Variants in ALDH7A1 observed in about 807,000 individuals in gnomAD.
ALDH7A1 encodes aldehyde dehydrogenase 7 family member A1.
A neutral mutation model predicts 79.9 loss-of-function variants in ALDH7A1; 63 were observed. The observed-to-expected ratio is 0.79, with a 90% confidence interval of 0.64 to 0.97. The LOEUF (loss-of-function observed/expected upper bound fraction) is 0.97. ALDH7A1 is among the 50% of genes least tolerant of loss of function. ALDH7A1 has a pLI of 0.00. For missense variants in ALDH7A1, 627 were observed against 665.2 expected, an observed-to-expected ratio of 0.94 and a Z score of 0.63; for synonymous variants, 240 against 231.2, an observed-to-expected ratio of 1.04 and a Z score of -0.34.
At chr5:126,583,090 C>A (rs541482106) in intron 4 of ALDH7A1, 116 bp from the exon 5 acceptor site, 1 of 1,301,004 alleles carries the variant, frequency 7.7e-7, no homozygotes, top group Non-Finnish European at 1.1e-6. Flanking sequence ...TGAAGAAAGT[C>A]TGTTTCATTT....
intron 14 of ALDH7A1, among the ~76,000 whole-genome samples, chr5:126,550,783 A>G (rs1749969536): frequency 6.6e-6 from 1 of 152,278 alleles, no homozygotes; most frequent in South Asian, 2.1e-4. Flanking sequence ...ACGTGAAACA[A>G]TGATAGGCAA....
At chr5:126,556,731 A>T (rs1750209223) in intron 11 of ALDH7A1, among the ~76,000 whole-genome samples, 2 of 152,194 alleles carry the variant, frequency 1.3e-5, no homozygotes, top group South Asian at 4.1e-4. Context: ...AGGTCTCCAG[A>T]GGAGGCCTTA....
chr5:126,574,620 G>T (rs1013864652), intron 7 of ALDH7A1, among the ~76,000 whole-genome samples: 1 of 151,598 alleles, frequency 6.6e-6, no homozygotes, highest in South Asian at 2.1e-4. Context: ...GCGTGAACCC[G>T]GGAGGTGGAG....
intron 13 of ALDH7A1, 49 bp from the exon 14 acceptor site, chr5:126,552,186 G>T: frequency 6.9e-7 from 1 of 1,459,364 alleles, no homozygotes. Context: ...TTGTTTTCTA[G>T]GACTTGGGGT....
At position 126,567,164 on chromosome 5, in the gene ALDH7A1, T is replaced by C. The variant is rs535721131; in HGVS notation, c.871+1095A>G. On this transcript the variant is annotated intron_variant, in intron 9 of 17. Coordinates refer to ENST00000409134, the MANE Select transcript of ALDH7A1 (RefSeq NM_001182.5). Reference sequence around the variant, plus strand: ...TGTTCTCCTCTACTTTTGCCTCTTTTAAAAAGTTCTAAGTTGCTAGCCAAT... The same window carrying C: ...TGTTCTCCTCTACTTTTGCCTCTTTCAAAAAGTTCTAAGTTGCTAGCCAAT... Among the ~76,000 whole-genome samples the C allele has an allele frequency of 1.6e-3, 249 of 152,314 alleles. 2 individuals carry two copies. The highest frequency in any genetic ancestry group is 5.6e-3 in the African/African-American group (235 of 41,594).
At chr5:126,558,952 G>A (rs373843948) in intron 11 of ALDH7A1, among the ~76,000 whole-genome samples, 11 of 152,124 alleles carry the variant, frequency 7.2e-5, no homozygotes, top group East Asian at 1.9e-4. Flanking sequence ...ACTGGACTTC[G>A]TCCATATTGT....
chr5:126,584,231 C>T lies in ALDH7A1; in HGVS notation c.313-219G>A, dbSNP rs1226340062. 18 of 529,650 alleles carry T rather than the reference C, an allele frequency of 3.4e-5. 1 individual carries two copies. The highest frequency in any genetic ancestry group is 1.1e-4 in the South Asian group (4 of 37,822). 32.8% of individuals were successfully genotyped at this position (529,650 alleles called of 1,614,324 possible). On this transcript the variant is annotated intron_variant, in intron 3 of 17. Transcript: ENST00000409134. ...GGAAGGCACAGAGGAGAAGAAAAGG[C>T]AACAAATAATTACAAATTGCCAACA...
At chr5:126,593,308 AACACACACACAC>A (rs142510783) in intron 2 of ALDH7A1, 31 bp downstream of exon 2, 1,256 of 1,546,678 alleles carry the variant, frequency 8.1e-4, no homozygotes, top group South Asian at 1.4e-3. Flanking sequence ...ATTTGAATTA[AACACACACACAC>A]ACACACACAC....
intron 5 of ALDH7A1, among the ~76,000 whole-genome samples, chr5:126,580,358 A>G (rs992866683): frequency 2.7e-4 from 41 of 152,048 alleles, no homozygotes; most frequent in Admixed American, 1.3e-4. Flanking sequence ...CTGCCTCCCA[A>G]AGTGCTGGGA....
At chr5:126,549,894 C>G (rs1350033009) in intron 16 of ALDH7A1, 35 bp downstream of exon 16, 9 of 1,605,162 alleles carry the variant, frequency 5.6e-6, no homozygotes, top group Non-Finnish European at 7.7e-6. Flanking sequence ...TCTTTGCTGC[C>G]CAACATGGAA....
chr5:126,593,232 A>G, intron 2 of ALDH7A1, 119 bp downstream of exon 2: 2 of 1,455,628 alleles, frequency 1.4e-6, no homozygotes, highest in South Asian at 1.2e-5. Context: ...GTGATTTTAT[A>G]TTATTCTTGA....
intron 7 of ALDH7A1, among the ~76,000 whole-genome samples, chr5:126,574,889 A>G (rs1338729384): frequency 6.6e-6 from 1 of 152,150 alleles, no homozygotes; most frequent in Non-Finnish European, 1.5e-5. Flanking sequence ...AGAATGACAA[A>G]TCAGTCACAT....
chr5:126,564,720 T>C (rs957524352), intron 9 of ALDH7A1: 77 of 455,606 alleles, frequency 1.7e-4, no homozygotes, highest in Admixed American at 9.3e-4. Context: ...TTGCTGGCTA[T>C]AGCATAGCGC....
In ALDH7A1 at chr5:126,570,697, G is replaced by C. The variant is rs1750741198; in HGVS notation, c.773+85C>G. 6 of 1,276,878 alleles carry C rather than the reference G, an allele frequency of 4.7e-6. No individual in the cohort carries two copies. The South Asian group carries it at 7.2e-5, about 15-fold the overall frequency. 79.1% of individuals were successfully genotyped at this position (1,276,878 alleles called of 1,614,324 possible). On this transcript the variant is annotated intron_variant, in intron 8 of 17. Transcript: ENST00000409134. ...ACCATTCTCAACTCCTTAGTTATAA[G>C]TGAGTTCATTATTCTAGTAACGATG...
rs762723665 is a variant in ALDH7A1 at position 126,552,054 on chromosome 5, A to T, written c.1284T>A (p.Thr428=). The change falls in exon 14 of 18, where the codon ACT becomes ACA. Residue 428 remains threonine, a synonymous_variant. Coordinates refer to ENST00000409134, the MANE Select transcript of ALDH7A1 (RefSeq NM_001182.5). ...GHDASIAHTE[T]FAPILYVFKF... ...TAAAGACATAGAGAATCGGAGCAAA[A>T]GTCTCTGTGTGTGCAATGGACGCAT... 20 of 1,613,808 alleles carry T rather than the reference A, an allele frequency of 1.2e-5. No homozygotes were observed. Among genetic ancestry groups the T allele is most frequent in the Non-Finnish European group, 1.6e-5 (19 of 1,179,998 alleles).
chr5:126,583,908 G>A, intron 4 of ALDH7A1, 24 bp downstream of exon 4: 1 of 1,577,204 alleles, frequency 6.3e-7, no homozygotes, highest in Non-Finnish European at 8.7e-7. Flanking sequence ...AAAGAATTGT[G>A]TATATACTAC....
intron 17 of ALDH7A1, 152 bp downstream of exon 17, chr5:126,546,172 A>G: frequency 1.3e-6 from 1 of 761,978 alleles, no homozygotes; most frequent in Middle Eastern, 2.3e-4. Flanking sequence ...GAAAAATAGC[A>G]CCAAATAGAT....
At chr5:126,577,046 T>C (rs1468899178) in intron 6 of ALDH7A1, 33 bp downstream of exon 6, 1 of 1,612,900 alleles carries the variant, frequency 6.2e-7, no homozygotes, top group East Asian at 2.2e-5. Flanking sequence ...TTTTTATCAC[T>C]CACTACTAAA....
chr5:126,590,388 G>A (rs923577184), intron 3 of ALDH7A1, among the ~76,000 whole-genome samples: 17 of 152,158 alleles, frequency 1.1e-4, no homozygotes, highest in African/African-American at 3.9e-4. Flanking sequence ...TTTTAAATTG[G>A]AGAATATATT....
Sources: gnomAD v4.1 joint callset for allele counts (sites outside exome capture counted in the v4.1 genomes callset) on GRCh38, gnomAD v4.1.1 for gene constraint, MANE v1.5 for transcripts, NCBI Gene and HGNC (gene_info 2026-07-23, HGNC 2026-07-21) for gene names.